DGKB: variants seen among roughly 807,000 people sequenced by gnomAD.
DGKB encodes 90 kDa diacylglycerol kinase.
Under a neutral mutation model 114.3 loss-of-function variants are expected in DGKB, and 67 were observed. That is an observed-to-expected ratio of 0.59 (90% CI 0.48 to 0.72). The LOEUF (loss-of-function observed/expected upper bound fraction) is 0.72, where lower values mean the gene tolerates loss of function less well. Ranked by LOEUF, DGKB falls within the 30% of genes least tolerant of loss-of-function variation. DGKB has a pLI of 0.00. For synonymous variants in DGKB, 398 were observed against 323.1 expected, an observed-to-expected ratio of 1.23 and a Z score of -2.49; for missense variants, 907 against 975.2, an observed-to-expected ratio of 0.93 and a Z score of 0.93.
At chr7:14,667,504 C>T (rs1818246780) in intron 13 of DGKB, among the ~76,000 whole-genome samples, 1 of 152,046 alleles carries the variant, frequency 6.6e-6, no homozygotes, top group Admixed American at 6.6e-5. Context: ...GTCTGAACCT[C>T]ATCTGCTCCT....
At chr7:14,674,945 A>G (rs1341553812) in intron 12 of DGKB, among the ~76,000 whole-genome samples, 1 of 152,128 alleles carries the variant, frequency 6.6e-6, no homozygotes, top group African/African-American at 2.4e-5. Context: ...ATTTTGTTAC[A>G]GCAGCCCTAG....
chr7:14,685,132 A>T, intron 10 of DGKB, 113 bp downstream of exon 10: 1 of 658,646 alleles, frequency 1.5e-6, no homozygotes, highest in South Asian at 2.0e-5. Flanking sequence ...AATCACATGT[A>T]CAGAGACAGT....
intron 21 of DGKB, among the ~76,000 whole-genome samples, chr7:14,426,483 A>G (rs1583852429): frequency 6.6e-6 from 1 of 152,250 alleles, no homozygotes; most frequent in South Asian, 2.1e-4. Flanking sequence ...AAAGTCATGT[A>G]CCACAATAGT....
chr7:14,883,266 A>G (rs1854517442), intron 1 of DGKB, among the ~76,000 whole-genome samples: 1 of 151,902 alleles, frequency 6.6e-6, no homozygotes, highest in African/African-American at 2.4e-5. Context: ...ATATATACCT[A>G]TATATTTGTT....
At chr7:14,792,364 T>A (rs1840784502) in intron 2 of DGKB, among the ~76,000 whole-genome samples, 1 of 152,132 alleles carries the variant, frequency 6.6e-6, no homozygotes, top group African/African-American at 2.4e-5. Flanking sequence ...TATCCTTTAT[T>A]CATAAATTCA....
upstream of DGKB, among the ~76,000 whole-genome samples, chr7:14,904,911 G>A (rs148546637): frequency 5.3e-3 from 807 of 152,210 alleles, 10 homozygotes; most frequent in Middle Eastern, 0.041. Context: ...GATACAAAAG[G>A]CCAACTTTAT....
chr7:14,752,088 C>T (rs147538596), intron 4 of DGKB, among the ~76,000 whole-genome samples: 31 of 152,164 alleles, frequency 2.0e-4, no homozygotes, highest in African/African-American at 7.5e-4. Context: ...GTCCAAGATC[C>T]GTTAAGATGA....
At chr7:14,291,287 A>T (rs975966391) in intron 23 of DGKB, among the ~76,000 whole-genome samples, 3 of 152,178 alleles carry the variant, frequency 2.0e-5, no homozygotes, top group Non-Finnish European at 2.9e-5. Flanking sequence ...GCAAAGTATC[A>T]TGCTATCTAA....
chr7:14,770,218 G>A (rs1456177624), intron 2 of DGKB, among the ~76,000 whole-genome samples: 5 of 152,058 alleles, frequency 3.3e-5, no homozygotes, highest in Non-Finnish European at 4.4e-5. Flanking sequence ...AGGATAAAGA[G>A]GAGCAGGAGT....
intron 10 of DGKB, 42 bp from the exon 11 acceptor site, chr7:14,682,883 C>T (rs773676978): frequency 2.2e-6 from 3 of 1,382,490 alleles, no homozygotes; most frequent in Non-Finnish European, 3.0e-6. Context: ...TAATCCTGGT[C>T]CTGGTTGTAA....
At chr7:14,785,548 T>C (rs1272830114) in intron 2 of DGKB, among the ~76,000 whole-genome samples, 2 of 152,182 alleles carry the variant, frequency 1.3e-5, no homozygotes, top group African/African-American at 4.8e-5. Flanking sequence ...TGCTGTACTT[T>C]TGTCTGCAGA....
chr7:14,399,432 G>A (rs978993032), intron 21 of DGKB, among the ~76,000 whole-genome samples: 1 of 151,480 alleles, frequency 6.6e-6, no homozygotes, highest in African/African-American at 2.4e-5. Context: ...TATGTAACTT[G>A]TTTGATATTA....
At position 14,719,753 on chromosome 7, in the gene DGKB, A is replaced by G. The variant is rs192627763; in HGVS notation, c.323-1068T>C. On this transcript the variant is annotated intron_variant, in intron 5 of 25. Transcript: ENST00000402815. ...CTCAAGATTCCCAGGCATATAATTC[A>G]ATGTGTTGTGATATGTCCCAAGTTA... 2.5e-4 allele frequency among the ~76,000 whole-genome samples: 38 copies of G among 152,288 alleles called. No homozygotes were observed. In the East Asian group the frequency reaches 4.6e-3, roughly 19 times the overall value.
chr7:14,896,980 C>T (rs986029890), intron 1 of DGKB, among the ~76,000 whole-genome samples: 9 of 151,742 alleles, frequency 5.9e-5, no homozygotes, highest in Admixed American at 4.6e-4. Flanking sequence ...TAAAGCATGG[C>T]CCAGCTGCCT....
intron 1 of DGKB, among the ~76,000 whole-genome samples, chr7:14,973,999 G>C (rs1787648023): frequency 6.6e-6 from 1 of 150,914 alleles, no homozygotes; most frequent in Admixed American, 6.6e-5. Context: ...TATCAGGAAG[G>C]AATTCCTCTT....
intron 23 of DGKB, among the ~76,000 whole-genome samples, chr7:14,285,908 A>T (rs531133508): frequency 6.6e-6 from 1 of 152,260 alleles, no homozygotes; most frequent in South Asian, 2.1e-4. Flanking sequence ...TGCTTAAAAA[A>T]ATACAAAGAA....
chr7:14,147,143 C>G lies in DGKB; in HGVS notation c.*1988G>C, dbSNP rs978170637. The G allele has an allele frequency of 6.6e-6, 1 of 152,066 alleles. No individual in the cohort carries two copies. Among genetic ancestry groups the G allele is most frequent in the African/African-American group, 2.4e-5 (1 of 41,416 alleles). The allele number at this position is 152,066 out of a possible 1,614,324, so 9.4% of individuals were successfully genotyped here. A position where few individuals can be genotyped will look rare whatever the true frequency, so the allele number is the denominator to read the frequency against. Reference sequence around the variant, plus strand: ...ATACAAAAAATCAATGTGTGTGTTACGTAACATTATGTCAGTAATGTACTT... The same window carrying G: ...ATACAAAAAATCAATGTGTGTGTTAGGTAACATTATGTCAGTAATGTACTT... On this transcript the variant is annotated 3_prime_UTR_variant, in exon 26 of 26. Transcript: ENST00000402815.
intron 1 of DGKB, among the ~76,000 whole-genome samples, chr7:14,912,870 G>C (rs1309314631): frequency 6.6e-6 from 1 of 152,126 alleles, no homozygotes; most frequent in Non-Finnish European, 1.5e-5. Context: ...GTCTCGTACA[G>C]AAAGCACTTC....
chr7:14,239,056 G>C (rs555640084), intron 23 of DGKB, among the ~76,000 whole-genome samples: 7 of 152,022 alleles, frequency 4.6e-5, no homozygotes, highest in African/African-American at 1.7e-4. Context: ...TGCTTTTGCT[G>C]TTTGTTTCCT....
Sources: allele counts gnomAD v4.1 joint callset (sites outside exome capture counted in the v4.1 genomes callset), GRCh38; gene constraint gnomAD v4.1.1; transcripts MANE v1.5; gene names NCBI Gene and HGNC (gene_info 2026-07-23, HGNC 2026-07-21).